The following XPO5 variants were observed in gnomAD, a reference collection of about 807,000 sequenced individuals.
XPO5 encodes the protein exportin 5.
XPO5 carries 46 observed loss-of-function variants against 160.6 expected under a neutral mutation model. The ratio of observed to expected loss-of-function variants is 0.29; its 90% confidence interval spans 0.23 to 0.37. The LOEUF (loss-of-function observed/expected upper bound fraction) is 0.37, where lower values mean the gene tolerates loss of function less well. Ranked by LOEUF, XPO5 falls within the 10% of genes least tolerant of loss-of-function variation. The pLI, the probability that XPO5 is intolerant of heterozygous loss-of-function variation, is 1.00. For synonymous variants in XPO5, 537 were observed against 519.3 expected (o/e 1.03, Z -0.46); for missense variants, 1,090 against 1,463.9 (o/e 0.74, Z 4.17).
rs935261230 is a variant in XPO5, at chr6:43,553,350, C to T, written c.1572+23G>A. On this transcript the variant is annotated intron_variant, in intron 14 of 31. Coordinates refer to ENST00000265351, the MANE Select transcript of XPO5 (RefSeq NM_020750.3). The stretch of plus-strand genomic sequence containing the variant: ...AAAAAGGTCAAAATAATCATGCAGT[C>T]AGCATGGGAAATAATTACTTACTTC... 22 of 1,598,590 alleles carry T rather than the reference C, an allele frequency of 1.4e-5. No individual in the cohort carries two copies. The East Asian group carries it at 1.6e-4, about 11-fold the overall frequency.
intron 27 of XPO5, 73 bp from the exon 28 acceptor site, chr6:43,525,994 G>A (rs778143701): frequency 4.2e-5 from 65 of 1,549,708 alleles, no homozygotes; most frequent in Middle Eastern, 1.9e-4. Flanking sequence ...TGACAGAAGC[G>A]CAAAAAACAA....
At chr6:43,572,462 C>G (rs1763060070) in intron 3 of XPO5, 44 bp downstream of exon 3, 2 of 1,603,140 alleles carry the variant, frequency 1.2e-6, no homozygotes, top group South Asian at 2.2e-5. Context: ...CACGCTTTGC[C>G]TAAACTACCT....
intron 5 of XPO5, among the ~76,000 whole-genome samples, chr6:43,568,988 T>C (rs780160974): frequency 6.6e-6 from 1 of 152,200 alleles, no homozygotes; most frequent in South Asian, 2.1e-4. Context: ...ATGAAAACCA[T>C]GTACTCAAAA....
intron 20 of XPO5, among the ~76,000 whole-genome samples, chr6:43,538,016 C>T (rs914126290): frequency 7.2e-5 from 9 of 124,562 alleles, no homozygotes; most frequent in Admixed American, 2.9e-4. Context: ...TCCCGGGAGG[C>T]GGAGGGTGCA....
chr6:43,527,085 T>C (rs1054453098), intron 26 of XPO5: 9 of 258,854 alleles, frequency 3.5e-5, no homozygotes, highest in Non-Finnish European at 6.8e-5. Context: ...ACAGCCTCCA[T>C]GTCCAAGAAT....
chr6:43,524,473 C>T lies in XPO5; in HGVS notation c.3475G>A (p.Gly1159Arg). The T allele has an allele frequency of 1.2e-6, 2 of 1,613,126 alleles. No homozygotes were observed. Among genetic ancestry groups the T allele is most frequent in the Non-Finnish European group, 1.7e-6 (2 of 1,179,764 alleles). Residue 1159 changes from glycine to arginine, a missense_variant and splice_region_variant, in exon 31 of 32, where the codon GGG becomes AGG. By Grantham distance (125) the Gly-to-Arg change is moderately radical (BLOSUM62 -2). Transcript: ENST00000265351. ...QFKRLIAGCI[G>R]KPLGEQFRKE... ...ACTATTGAAGGTGCATGACCTACCC[C>T]AATGCAACCAGCAATGAGGCGTTTG...
At chr6:43,542,175 A>C (rs1038564353) in intron 20 of XPO5, among the ~76,000 whole-genome samples, 2 of 152,044 alleles carry the variant, frequency 1.3e-5, no homozygotes, top group East Asian at 3.8e-4. Context: ...TTTTTCTCTA[A>C]GGAGCTTTCC....
At chr6:43,539,310 C>A in intron 20 of XPO5, 1 of 1,561,866 alleles carries the variant, frequency 6.4e-7, no homozygotes. Context: ...CCACTGTAGT[C>A]CCCGATAGCA....
Position 43,522,669 on chromosome 6 carries a change from C to T in XPO5, c.*1199G>A, listed in dbSNP as rs767331531. The T allele has an allele frequency of 4.2e-6, 2 of 479,764 alleles. No homozygotes were observed. The highest frequency in any genetic ancestry group is 3.9e-5 in the African/African-American group (2 of 50,700). 29.7% of individuals were successfully genotyped at this position (479,764 alleles called of 1,614,324 possible). A position where few individuals can be genotyped will look rare whatever the true frequency, so the allele number is the denominator to read the frequency against. Reference sequence around the variant, plus strand: ...TGACCCTGCCTGTGGCCCGCACCAGCTAAAAACTGTAGCTTCAGTCCACTT... The same window carrying T: ...TGACCCTGCCTGTGGCCCGCACCAGTTAAAAACTGTAGCTTCAGTCCACTT... On this transcript the variant is annotated 3_prime_UTR_variant, in exon 32 of 32. Transcript: ENST00000265351.
intron 20 of XPO5, among the ~76,000 whole-genome samples, chr6:43,542,979 G>A (rs892569232): frequency 2.0e-5 from 3 of 152,050 alleles, no homozygotes; most frequent in African/African-American, 4.8e-5. Context: ...CATCAAGGCT[G>A]AATAGTTACA....
chr6:43,561,323 T>G (rs1762403081), intron 9 of XPO5: 1 of 275,156 alleles, frequency 3.6e-6, no homozygotes, highest in South Asian at 5.3e-5. Context: ...TCCTCAGACC[T>G]TACCTATTCA....
rs775004201 is a variant in XPO5, at chr6:43,548,480, A to C, written c.1861-20T>G. On this transcript the variant is annotated intron_variant, in intron 17 of 31. Transcript: ENST00000265351. ...ATTGGGCTACAGATCAAAAAGAAAA[A>C]AAGCCAGAGGTGGTAAAGGTCTGAT... The C allele has an allele frequency of 8.5e-6, 13 of 1,520,510 alleles. No homozygotes were observed. Among genetic ancestry groups the C allele is most frequent in the Non-Finnish European group, 1.2e-5 (13 of 1,126,618 alleles). The allele number at this position is 1,520,510 out of a possible 1,614,324, so 94.2% of individuals were successfully genotyped here. A position where few individuals can be genotyped will look rare whatever the true frequency, so the allele number is the denominator to read the frequency against.
chr6:43,553,273 G>A, intron 14 of XPO5, 100 bp downstream of exon 14: 1 of 1,410,646 alleles, frequency 7.1e-7, no homozygotes, highest in East Asian at 2.6e-5. Flanking sequence ...CTGCATTTCA[G>A]CCTGAGCAAC....
chr6:43,547,834 T>C, intron 18 of XPO5, 127 bp from the exon 19 acceptor site: 3 of 675,518 alleles, frequency 4.4e-6, no homozygotes, highest in Non-Finnish European at 7.6e-6. Flanking sequence ...AGGAGTATAA[T>C]CATACTAATT....
rs557725165 is a variant in XPO5, at chr6:43,527,580, C to T, written c.2920+54G>A. On this transcript the variant is annotated intron_variant, in intron 26 of 31. Coordinates refer to ENST00000265351, the MANE Select transcript of XPO5 (RefSeq NM_020750.3). ...GCCTTCATGGAGTTGGCTGAGCGAC[C>T]AGCTCTTCTTCCAGGAAAATCCTCT... 8.2e-6 allele frequency: 13 copies of T among 1,585,526 alleles called. No individual in the cohort carries two copies. The South Asian group carries it at 1.3e-4, about 16-fold the overall frequency.
At chr6:43,529,377 C>CT (rs1429999652) in intron 23 of XPO5, 1 of 108,328 alleles carries the variant, frequency 9.2e-6, no homozygotes, top group South Asian at 1.2e-4. Flanking sequence ...CCCGTCTCTA[C>CT]TAAAAAAAAA....
chr6:43,523,246 T>C lies in XPO5; in HGVS notation c.*622A>G. On this transcript the variant is annotated 3_prime_UTR_variant, in exon 32 of 32. Transcript: ENST00000265351. ...TCCTTGGAGGTACTATACTTGATACTGTGCCAAGTTTAGCAGTAGCCTGTA... is the reference window on the plus strand; with the variant it reads ...TCCTTGGAGGTACTATACTTGATACCGTGCCAAGTTTAGCAGTAGCCTGTA... 1 of 190,384 alleles carries C rather than the reference T, an allele frequency of 5.3e-6. No homozygotes were observed. Among genetic ancestry groups the C allele is most frequent in the Non-Finnish European group, 1.1e-5 (1 of 89,830 alleles). 11.8% of individuals were successfully genotyped at this position (190,384 alleles called of 1,614,324 possible).
At chr6:43,556,042 C>G (rs748906348) in intron 12 of XPO5, 78 bp from the exon 13 acceptor site, 207 of 1,564,738 alleles carry the variant, frequency 1.3e-4, no homozygotes, top group Non-Finnish European at 1.8e-4. Flanking sequence ...TATTAATTTA[C>G]CACCCTAGGG....
chr6:43,529,568 A>AG (rs1491337790), intron 23 of XPO5: 1 of 182,396 alleles, frequency 5.5e-6, no homozygotes, highest in Non-Finnish European at 1.1e-5. Context: ...AAAAAAAAAA[A>AG]GAAAAGAAAG....
Sources: gnomAD v4.1 joint callset for allele counts (sites outside exome capture counted in the v4.1 genomes callset) on GRCh38, gnomAD v4.1.1 for gene constraint, MANE v1.5 for transcripts, NCBI Gene and HGNC (gene_info 2026-07-23, HGNC 2026-07-21) for gene names.